The following SPIDR variants were observed in gnomAD, a reference collection of about 807,000 sequenced individuals.
The protein encoded by SPIDR is DNA repair-scaffolding protein.
A neutral mutation model predicts 104.6 loss-of-function variants in SPIDR; 93 were observed. That is an observed-to-expected ratio of 0.89 (90% confidence interval 0.75 to 1.06). The LOEUF is 1.06. Among genes scored for constraint, SPIDR ranks in the 50% least tolerant of loss-of-function variants. The pLI is 0.00. For synonymous variants in SPIDR, 431 were observed against 416.9 expected, an observed-to-expected ratio of 1.03 and a Z score of -0.41; for missense variants, 1,154 against 1,111.2, an observed-to-expected ratio of 1.04 and a Z score of -0.55.
At chr8:47,732,120 C>T in intron 19 of SPIDR, 1 of 702,532 alleles carries the variant, frequency 1.4e-6, no homozygotes, top group Non-Finnish European at 2.6e-6. Context: ...AATCCCCACC[C>T]CTCTTTAGAG....
intron 8 of SPIDR, among the ~76,000 whole-genome samples, chr8:47,502,007 G>T (rs2080548731): frequency 6.6e-6 from 1 of 152,180 alleles, no homozygotes; most frequent in Non-Finnish European, 1.5e-5. Context: ...CTTGATCATG[G>T]TCGATAAGTT....
chr8:47,423,355 C>G (rs940784950), intron 7 of SPIDR, among the ~76,000 whole-genome samples: 1 of 151,332 alleles, frequency 6.6e-6, no homozygotes, highest in African/African-American at 2.4e-5. Flanking sequence ...GTCTGTAATC[C>G]CAGCACTTTG....
chr8:47,494,398 C>A (rs899314581), intron 8 of SPIDR, among the ~76,000 whole-genome samples: 1 of 152,020 alleles, frequency 6.6e-6, no homozygotes, highest in African/African-American at 2.4e-5. Context: ...TCAGACAATC[C>A]TCCCACCTCA....
Position 47,511,370 on chromosome 8 carries a change from T to A in SPIDR, c.1097+70828T>A, listed in dbSNP as rs2082294194. 10 of 992,710 alleles carry A rather than the reference T, an allele frequency of 1.0e-5. No individual in the cohort carries two copies. The South Asian group carries it at 1.1e-4, about 11-fold the overall frequency. The allele number at this position is 992,710 out of a possible 1,614,324, so 61.5% of individuals were successfully genotyped here. The stretch of plus-strand genomic sequence containing the variant: ...ACCTAGGGGGCAGTGCTGCTCGGTG[T>A]CTGACCCTCGCCAGTGAAGGCTTTG... On this transcript the variant is annotated intron_variant, in intron 8 of 19. Coordinates refer to ENST00000297423, the MANE Select transcript of SPIDR (RefSeq NM_001080394.4).
At chr8:47,488,863 G>C (rs1294753543) in intron 8 of SPIDR, among the ~76,000 whole-genome samples, 2 of 152,052 alleles carry the variant, frequency 1.3e-5, no homozygotes, top group African/African-American at 2.4e-5. Flanking sequence ...AAAATAATAA[G>C]AGCTATCTAT....
chr8:47,675,605 G>C lies in SPIDR; in HGVS notation c.1685+1664G>C, dbSNP rs868435829. Among the ~76,000 whole-genome samples, 29 of 152,190 alleles carry C rather than the reference G, an allele frequency of 1.9e-4. 1 individual carries two copies. The highest frequency in any genetic ancestry group is 6.5e-4 in the African/African-American group (27 of 41,534). On this transcript the variant is annotated intron_variant, in intron 11 of 19. Transcript: ENST00000297423. ...GCAGGCTGATCACTTGAGGCCAGGA[G>C]TTTGAGACCAGCCTAGCCAACATGT...
At chr8:47,595,626 G>A (rs376870814) in intron 8 of SPIDR, among the ~76,000 whole-genome samples, 185 bp from the exon 9 acceptor site, 3 of 152,326 alleles carry the variant, frequency 2.0e-5, no homozygotes, top group South Asian at 2.1e-4. Context: ...GCTTTCACTA[G>A]AACAGTGAAG....
intron 3 of SPIDR, among the ~76,000 whole-genome samples, chr8:47,286,974 G>T (rs2038963191): frequency 6.6e-6 from 1 of 152,030 alleles, no homozygotes; most frequent in Admixed American, 6.6e-5. Context: ...TTCAACGTAG[G>T]TTCTTTGTAT....
chr8:47,382,541 T>C (rs2059436958), intron 5 of SPIDR, among the ~76,000 whole-genome samples: 1 of 152,074 alleles, frequency 6.6e-6, no homozygotes, highest in South Asian at 2.1e-4. Flanking sequence ...GCCTCTGGAG[T>C]AGCTGGGACT....
chr8:47,523,913 G>A (rs981637413), intron 8 of SPIDR, among the ~76,000 whole-genome samples: 10 of 152,264 alleles, frequency 6.6e-5, no homozygotes, highest in South Asian at 2.1e-4. Flanking sequence ...CTGTTTTCCC[G>A]TATGAGGTGA....
chr8:47,513,954 T>C (rs1212231210), intron 8 of SPIDR, among the ~76,000 whole-genome samples: 1 of 152,200 alleles, frequency 6.6e-6, no homozygotes, highest in African/African-American at 2.4e-5. Flanking sequence ...AGGTGAACCA[T>C]GTGCCTTCTT....
chr8:47,471,677 G>A (rs1426561044), intron 8 of SPIDR, among the ~76,000 whole-genome samples: 1 of 152,136 alleles, frequency 6.6e-6, no homozygotes, highest in Admixed American at 6.5e-5. Flanking sequence ...CCTCAGAATA[G>A]TCCACTTAAA....
intron 8 of SPIDR, among the ~76,000 whole-genome samples, chr8:47,466,706 C>CAAAAAAAAA (rs78296344): frequency 2.7e-4 from 36 of 135,012 alleles, no homozygotes; most frequent in African/African-American, 9.7e-4. Flanking sequence ...ACGAAAAATA[C>CAAAAAAAAA]AAAAAAAAAA....
chr8:47,530,942 T>C (rs1442376142), intron 8 of SPIDR, among the ~76,000 whole-genome samples: 2 of 152,040 alleles, frequency 1.3e-5, no homozygotes, highest in Non-Finnish European at 2.9e-5. Flanking sequence ...AAGGCAAGGT[T>C]GTGCATCCCC....
chr8:47,602,364 G>A (rs1193323683), intron 10 of SPIDR, among the ~76,000 whole-genome samples: 1 of 152,152 alleles, frequency 6.6e-6, no homozygotes, highest in Non-Finnish European at 1.5e-5. Context: ...TTTCAGAATG[G>A]CTTTTCTTGA....
intron 5 of SPIDR, among the ~76,000 whole-genome samples, chr8:47,324,923 C>T (rs2047410372): frequency 6.6e-6 from 1 of 152,138 alleles, no homozygotes; most frequent in African/African-American, 2.4e-5. Context: ...TGAGGCCTCT[C>T]TCTGTGGCTT....
chr8:47,524,028 C>T (rs1282424249), intron 8 of SPIDR, among the ~76,000 whole-genome samples: 3 of 152,048 alleles, frequency 2.0e-5, no homozygotes, highest in Non-Finnish European at 4.4e-5. Context: ...AAAATACCAC[C>T]AAAAGTTATT....
chr8:47,446,582 C>CTTTT (rs574653139), intron 8 of SPIDR, among the ~76,000 whole-genome samples: 1 of 136,884 alleles, frequency 7.3e-6, no homozygotes, highest in East Asian at 2.1e-4. Flanking sequence ...ATAATGATTC[C>CTTTT]TTTTTTTTTT....
chr8:47,532,134 G>A (rs537613079), intron 8 of SPIDR, among the ~76,000 whole-genome samples: 5 of 148,456 alleles, frequency 3.4e-5, no homozygotes, highest in East Asian at 4.1e-4. Flanking sequence ...GCAATGGCGC[G>A]ATCTCGGCTC....
Sources: gnomAD v4.1 joint callset for allele counts (sites outside exome capture counted in the v4.1 genomes callset) on GRCh38, gnomAD v4.1.1 for gene constraint, MANE v1.5 for transcripts, NCBI Gene and HGNC (gene_info 2026-07-23, HGNC 2026-07-21) for gene names.